The following FAM53B variants were observed in gnomAD, a reference collection of about 807,000 sequenced individuals.
The protein encoded by FAM53B is protein FAM53B.
In FAM53B, 12 loss-of-function variants were observed where a neutral mutation model predicts 32.7. The ratio of observed to expected loss-of-function variants is 0.37; its 90% CI spans 0.24 to 0.59. FAM53B has a LOEUF of 0.59. FAM53B is among the 20% of genes least tolerant of loss of function. The pLI, the probability that FAM53B is intolerant of heterozygous loss-of-function variation, is 0.72. For synonymous variants in FAM53B, 234 were observed against 228.7 expected (o/e 1.02, Z -0.21); for missense variants, 477 against 577.7 (o/e 0.83, Z 1.79).
Position 124,623,462 on chromosome 10 carries a change from G to A in FAM53B, c.1049C>T (p.Pro350Leu). 1 of 1,588,670 alleles carries A rather than the reference G, an allele frequency of 6.3e-7. No individual in the cohort carries two copies. Among genetic ancestry groups the A allele is most frequent in the African/African-American group, 1.3e-5 (1 of 74,614 alleles). The change falls in exon 5 of 5, where the codon CCC becomes CTC. Residue 350 changes from proline (P) to leucine (L), a missense_variant. Coordinates refer to ENST00000337318, the MANE Select transcript of FAM53B (RefSeq NM_014661.4). ...AGGCTCAGGGACCGGGGTCCCAGCG[G>A]GGGTCCTGCCCCCTGGGCCGGAGGC... ...LSASGPGGRTPAGTPVPEPLP... is the reference protein window; with the variant it reads ...LSASGPGGRTLAGTPVPEPLP...
At chr10:124,670,632 G>A (rs1305565837) in intron 4 of FAM53B, among the ~76,000 whole-genome samples, 1 of 152,106 alleles carries the variant, frequency 6.6e-6, no homozygotes, top group Non-Finnish European at 1.5e-5. Flanking sequence ...CCACCTCTGG[G>A]GCTTGCCTTC....
intron 4 of FAM53B, among the ~76,000 whole-genome samples, chr10:124,659,170 T>TA (rs1221595729): frequency 2.0e-5 from 3 of 152,176 alleles, no homozygotes; most frequent in African/African-American, 7.2e-5. Flanking sequence ...GCAGGACACA[T>TA]ACAGCCTTTG....
At chr10:124,638,840 G>A (rs1949451789) in intron 4 of FAM53B, among the ~76,000 whole-genome samples, 1 of 152,234 alleles carries the variant, frequency 6.6e-6, no homozygotes, top group African/African-American at 2.4e-5. Context: ...GGTGGTGGGT[G>A]TGGAAGGACA....
rs1215139063 is a variant in FAM53B, at chr10:124,622,040, G to A, written c.*1202C>T. On this transcript the variant is annotated 3_prime_UTR_variant, in exon 5 of 5. Coordinates refer to ENST00000337318, the MANE Select transcript of FAM53B (RefSeq NM_014661.4). ...GGCTCCTCGGATGCCCCAGGGTGAG[G>A]AGCCAGGGTGGGGTAGGGGCAGGGA... 4.6e-5 allele frequency: 7 copies of A among 152,560 alleles called. No homozygotes were observed. The highest frequency in any genetic ancestry group is 3.9e-4 in the East Asian group (2 of 5,180). 9.5% of individuals were successfully genotyped at this position (152,560 alleles called of 1,614,324 possible). A position where few individuals can be genotyped will look rare whatever the true frequency, so the allele number is the denominator to read the frequency against.
chr10:124,718,126 G>T (rs1950047898), intron 1 of FAM53B, among the ~76,000 whole-genome samples: 1 of 151,890 alleles, frequency 6.6e-6, no homozygotes, highest in Non-Finnish European at 1.5e-5. Flanking sequence ...CCTGCAGGCT[G>T]GTAGCCCCAA....
At chr10:124,713,531 C>T (rs2272005) in intron 1 of FAM53B, 42,464 of 152,116 alleles carry the variant, frequency 0.28, 6,919 homozygotes, top group South Asian at 0.41. Context: ...GGAGCCCCAC[C>T]TGGCTCATCC....
At chr10:124,646,739 G>A (rs1162785899) in intron 4 of FAM53B, among the ~76,000 whole-genome samples, 1 of 152,198 alleles carries the variant, frequency 6.6e-6, no homozygotes, top group African/African-American at 2.4e-5. Context: ...TCTAACTCAT[G>A]AGCCTGCAAT....
At chr10:124,630,458 T>C (rs376518978) in intron 4 of FAM53B, among the ~76,000 whole-genome samples, 2 of 152,158 alleles carry the variant, frequency 1.3e-5, no homozygotes, top group Non-Finnish European at 1.5e-5. Flanking sequence ...CAGCCCATTT[T>C]TGTGAAATGC....
intron 1 of FAM53B, among the ~76,000 whole-genome samples, chr10:124,715,562 C>A (rs1589761869): frequency 6.6e-6 from 1 of 152,336 alleles, no homozygotes; most frequent in South Asian, 2.1e-4. Flanking sequence ...GTGGGGAGCC[C>A]CCCCTCCACG....
intron 2 of FAM53B, among the ~76,000 whole-genome samples, chr10:124,697,042 G>A (rs555430483): frequency 6.2e-4 from 95 of 152,210 alleles, no homozygotes; most frequent in African/African-American, 2.2e-3. Flanking sequence ...TATTCTGGGG[G>A]TTCCTCATGC....
intron 1 of FAM53B, among the ~76,000 whole-genome samples, chr10:124,724,296 G>C (rs765874238): frequency 3.9e-5 from 6 of 152,196 alleles, no homozygotes; most frequent in Non-Finnish European, 8.8e-5. Flanking sequence ...GACGGGGCTG[G>C]GAGTGGAGGG....
chr10:124,720,165 A>G (rs1950060572), intron 1 of FAM53B, among the ~76,000 whole-genome samples: 1 of 150,820 alleles, frequency 6.6e-6, no homozygotes, highest in African/African-American at 2.4e-5. Flanking sequence ...CTTCATCTAA[A>G]AAAAAAAAAA....
chr10:124,636,793 G>C (rs1052801893), intron 4 of FAM53B, among the ~76,000 whole-genome samples: 13 of 151,668 alleles, frequency 8.6e-5, no homozygotes, highest in Non-Finnish European at 1.6e-4. Flanking sequence ...AGGACACACA[G>C]AACACGGACA....
chr10:124,629,837 C>G (rs1427404297), intron 4 of FAM53B, among the ~76,000 whole-genome samples: 1 of 152,236 alleles, frequency 6.6e-6, no homozygotes, highest in Non-Finnish European at 1.5e-5. Flanking sequence ...TCTGGTAAAT[C>G]TGGATTTTGC....
intron 4 of FAM53B, among the ~76,000 whole-genome samples, chr10:124,653,211 G>GGA (rs3084444): frequency 0.25 from 37,526 of 152,156 alleles, 5,969 homozygotes; most frequent in Middle Eastern, 0.35. Flanking sequence ...CAGTGAATGG[G>GGA]GAGAAGCCCA....
chr10:124,663,374 C>T (rs758820673), intron 4 of FAM53B, among the ~76,000 whole-genome samples: 2 of 152,228 alleles, frequency 1.3e-5, no homozygotes, highest in African/African-American at 2.4e-5. Context: ...AGGAGACCAA[C>T]ATCAGAGGCT....
intron 1 of FAM53B, among the ~76,000 whole-genome samples, chr10:124,743,705 T>C (rs1950213787): frequency 6.6e-6 from 1 of 151,292 alleles, no homozygotes; most frequent in African/African-American, 2.4e-5. Flanking sequence ...CGCCCTGGCC[T>C]GGGGAGCGCA....
At chr10:124,720,439 A>C (rs1215529320) in intron 1 of FAM53B, among the ~76,000 whole-genome samples, 1 of 152,198 alleles carries the variant, frequency 6.6e-6, no homozygotes, top group Non-Finnish European at 1.5e-5. Context: ...CAGCCTGGGC[A>C]ATAAAGTGAG....
chr10:124,721,359 T>C (rs1950067482), intron 1 of FAM53B, among the ~76,000 whole-genome samples: 1 of 152,234 alleles, frequency 6.6e-6, no homozygotes, highest in South Asian at 2.1e-4. Context: ...ACTAGAACTG[T>C]GATGTTCACG....
Sources: allele counts gnomAD v4.1 joint callset (sites outside exome capture counted in the v4.1 genomes callset), GRCh38; gene constraint gnomAD v4.1.1; transcripts MANE v1.5; gene names NCBI Gene and HGNC (gene_info 2026-07-23, HGNC 2026-07-21).